The following NBEA variants were observed in gnomAD, a reference collection of about 807,000 sequenced individuals.
The protein encoded by NBEA is lysosomal-trafficking regulator 2.
In NBEA, 44 loss-of-function variants were observed where a neutral mutation model predicts 343.4. The ratio of observed to expected loss-of-function variants is 0.13; its 90% confidence interval spans 0.10 to 0.16. NBEA has a LOEUF of 0.16. Ranked by LOEUF, NBEA falls within the 10% of genes least tolerant of loss-of-function variation. The probability of loss-of-function intolerance (pLI) is 1.00; values close to 1 mark genes in which losing one functional copy is unlikely to be tolerated. For missense variants in NBEA, 2,555 were observed against 3,631.3 expected, an observed-to-expected ratio of 0.70 and a Z score of 7.62; for synonymous variants, 1,175 against 1,238.7, an observed-to-expected ratio of 0.95 and a Z score of 1.08.
chr13:35,149,120 G>A (rs902566848), intron 18 of NBEA, among the ~76,000 whole-genome samples: 4 of 152,122 alleles, frequency 2.6e-5, no homozygotes, highest in Non-Finnish European at 5.9e-5. Flanking sequence ...CAAATCACAA[G>A]ATTAGTAGAC....
chr13:35,379,710 C>CT (rs35060619), intron 38 of NBEA, among the ~76,000 whole-genome samples: 122,243 of 145,332 alleles, frequency 0.84, 51,944 homozygotes, highest in Non-Finnish European at 0.91. Flanking sequence ...GTCAGGATTA[C>CT]TTTTTTTTTT....
At chr13:35,324,352 C>T (rs9593101) in intron 36 of NBEA, among the ~76,000 whole-genome samples, 8,713 of 152,164 alleles carry the variant, frequency 0.057, 295 homozygotes, top group African/African-American at 0.087. Flanking sequence ...AATAAGAACA[C>T]GTAACTGATT....
chr13:35,157,390 A>C, intron 21 of NBEA, 120 bp downstream of exon 21: 2 of 767,796 alleles, frequency 2.6e-6, no homozygotes, highest in Non-Finnish European at 3.7e-6. Flanking sequence ...CCTGTATCTC[A>C]GTTTTGTATT....
chr13:35,539,944 T>TAAAAAAAAAAA (rs1217182166), intron 41 of NBEA, among the ~76,000 whole-genome samples: 2 of 76,422 alleles, frequency 2.6e-5, no homozygotes, highest in Admixed American at 1.3e-4. Context: ...AAAAAAAAAG[T>TAAAAAAAAAAA]GCACTAGTAT....
At chr13:35,054,938 C>G (rs2063197973) in intron 6 of NBEA, among the ~76,000 whole-genome samples, 1 of 151,944 alleles carries the variant, frequency 6.6e-6, no homozygotes, top group Non-Finnish European at 1.5e-5. Flanking sequence ...GCCACCGTGC[C>G]CAGCCTATTT....
intron 39 of NBEA, among the ~76,000 whole-genome samples, chr13:35,439,468 A>G (rs1489966758): frequency 3.9e-5 from 6 of 152,022 alleles, no homozygotes; most frequent in Admixed American, 2.6e-4. Context: ...AGAAATTACC[A>G]TGGCATGGAG....
intron 10 of NBEA, among the ~76,000 whole-genome samples, chr13:35,074,716 A>G (rs2064035411): frequency 6.6e-6 from 1 of 152,170 alleles, no homozygotes; most frequent in Admixed American, 6.6e-5. Flanking sequence ...TGTTTAAGGT[A>G]TACAACATGA....
chr13:34,975,731 GA>G (rs200056183), intron 1 of NBEA, among the ~76,000 whole-genome samples: 2,340 of 147,626 alleles, frequency 0.016, 63 homozygotes, highest in African/African-American at 0.055. Context: ...AAATCAGCAA[GA>G]AAAAAAAAAT....
At chr13:35,659,284 C>T (rs1001555125) in intron 55 of NBEA, among the ~76,000 whole-genome samples, 16 of 151,968 alleles carry the variant, frequency 1.1e-4, no homozygotes, top group African/African-American at 3.9e-4. Flanking sequence ...TGTGTGTCAC[C>T]GAGGCCAAAT....
At chr13:35,062,919 T>C (rs2063516985) in intron 8 of NBEA, among the ~76,000 whole-genome samples, 1 of 151,974 alleles carries the variant, frequency 6.6e-6, no homozygotes, top group Non-Finnish European at 1.5e-5. Flanking sequence ...AGTTGAAAAG[T>C]TGCTGTATTT....
At chr13:35,222,381 A>T (rs573597057) in intron 33 of NBEA, among the ~76,000 whole-genome samples, 1 of 152,224 alleles carries the variant, frequency 6.6e-6, no homozygotes, top group South Asian at 2.1e-4. Flanking sequence ...TAAAAAAATC[A>T]AACTGACAAT....
chr13:35,232,050 C>T (rs1008323103), intron 33 of NBEA, among the ~76,000 whole-genome samples: 4 of 152,190 alleles, frequency 2.6e-5, no homozygotes, highest in East Asian at 1.9e-4. Flanking sequence ...TGTATTACAA[C>T]GAATTTCAGT....
chr13:35,425,923 A>G (rs540028835), intron 38 of NBEA, among the ~76,000 whole-genome samples: 1 of 151,736 alleles, frequency 6.6e-6, no homozygotes, highest in African/African-American at 2.4e-5. Context: ...GTCTCTTTTG[A>G]TCTTTGTTGG....
intron 14 of NBEA, among the ~76,000 whole-genome samples, chr13:35,117,969 G>T (rs1430075027): frequency 6.6e-6 from 1 of 151,914 alleles, no homozygotes; most frequent in Non-Finnish European, 1.5e-5. Flanking sequence ...AGAATACTTA[G>T]ATGGTCAAAA....
chr13:35,512,958 A>T (rs981185793), intron 41 of NBEA, among the ~76,000 whole-genome samples: 1 of 152,150 alleles, frequency 6.6e-6, no homozygotes, highest in Non-Finnish European at 1.5e-5. Flanking sequence ...GAAATATTGT[A>T]AGCCTTGAAA....
At chr13:35,062,363 A>G (rs2063497629) in intron 8 of NBEA, among the ~76,000 whole-genome samples, 1 of 151,744 alleles carries the variant, frequency 6.6e-6, no homozygotes, top group African/African-American at 2.4e-5. Flanking sequence ...AACCCTAGAG[A>G]TGGATGGGGC....
intron 13 of NBEA, among the ~76,000 whole-genome samples, chr13:35,116,276 G>A (rs2066487249): frequency 6.6e-6 from 1 of 152,146 alleles, no homozygotes; most frequent in South Asian, 2.1e-4. Context: ...AATGGTTGAC[G>A]GGTTTCCCTG....
intron 16 of NBEA, among the ~76,000 whole-genome samples, chr13:35,122,295 C>G (rs1455461057): frequency 6.6e-6 from 1 of 152,022 alleles, no homozygotes; most frequent in Non-Finnish European, 1.5e-5. Context: ...GCACTATTCA[C>G]AATAGCAAAG....
chr13:35,361,962 C>T (rs2152875193), intron 38 of NBEA, among the ~76,000 whole-genome samples: 1 of 151,934 alleles, frequency 6.6e-6, no homozygotes, highest in South Asian at 2.1e-4. Flanking sequence ...TATATTTTTA[C>T]TGGGGTAGTG....
Sources: gnomAD v4.1 joint callset for allele counts (sites outside exome capture counted in the v4.1 genomes callset) on GRCh38, gnomAD v4.1.1 for gene constraint, MANE v1.5 for transcripts, NCBI Gene and HGNC (gene_info 2026-07-23, HGNC 2026-07-21) for gene names.